Variants in SYT7 observed in about 807,000 individuals in gnomAD.
The protein encoded by SYT7 is synaptotagmin 7.
In SYT7, 29 loss-of-function variants were observed where a neutral mutation model predicts 75.1. That is an observed-to-expected ratio of 0.39 (90% CI 0.29 to 0.53). The LOEUF is 0.53. SYT7 is among the 20% of genes least tolerant of loss of function. SYT7 has a pLI of 0.77. For missense variants in SYT7, 693 were observed against 953.2 expected (o/e 0.73, Z 3.59); for synonymous variants, 376 against 401.7 (o/e 0.94, Z 0.76).
At chr11:61,579,382 C>T (rs2064177713) in intron 1 of SYT7, among the ~76,000 whole-genome samples, 1 of 152,228 alleles carries the variant, frequency 6.6e-6, no homozygotes, top group Non-Finnish European at 1.5e-5. Flanking sequence ...GGCAATGCCC[C>T]TTCAGCCCTC....
chr11:61,515,933 G>C lies in SYT7; in HGVS notation c.*2694C>G, dbSNP rs952229452. 6.6e-6 allele frequency: 1 copy of C among 152,654 alleles called. No individual in the cohort carries two copies. The highest frequency in any genetic ancestry group is 1.5e-5 in the Non-Finnish European group (1 of 68,070). 9.5% of individuals were successfully genotyped at this position (152,654 alleles called of 1,614,324 possible). On this transcript the variant is annotated 3_prime_UTR_variant, in exon 13 of 13. Transcript: ENST00000539008. ...GATTCGGTAATTACACTTTGCTCAC[G>C]GGTAGCACCTTCGGAGTCCTCCTGC...
intron 7 of SYT7, chr11:61,533,833 C>T (rs575624797): frequency 4.8e-6 from 1 of 207,990 alleles, no homozygotes; most frequent in Admixed American, 6.5e-5. Flanking sequence ...TTAATGGCCC[C>T]ATATTGGATA....
intron 5 of SYT7, among the ~76,000 whole-genome samples, chr11:61,545,535 T>C (rs1025470503): frequency 6.6e-6 from 1 of 152,152 alleles, no homozygotes; most frequent in Non-Finnish European, 1.5e-5. Flanking sequence ...AGTCACCCGA[T>C]GGTCAAAAAT....
At chr11:61,533,176 G>A (rs745454307) in intron 7 of SYT7, 52 bp from the exon 8 acceptor site, 1 of 1,509,358 alleles carries the variant, frequency 6.6e-7, no homozygotes, top group Non-Finnish European at 8.8e-7. Context: ...AGCTGCGTTG[G>A]GCACCCCGGC....
chr11:61,541,120 G>T, intron 6 of SYT7: 6 of 985,488 alleles, frequency 6.1e-6, no homozygotes, highest in Non-Finnish European at 7.2e-6. Context: ...CCCTGGCTGA[G>T]GTCTCAGAGG....
intron 1 of SYT7, among the ~76,000 whole-genome samples, chr11:61,577,270 ACT>A (rs989102381): frequency 4.6e-5 from 7 of 152,160 alleles, no homozygotes; most frequent in African/African-American, 1.7e-4. Context: ...CAGGTCCTCC[ACT>A]GTGTCCTGGC....
At chr11:61,535,062 G>A (rs1426016606) in intron 7 of SYT7, among the ~76,000 whole-genome samples, 1 of 152,238 alleles carries the variant, frequency 6.6e-6, no homozygotes, top group Non-Finnish European at 1.5e-5. Flanking sequence ...GATAGTCAGC[G>A]CCACTGAAGC....
At chr11:61,577,705 C>T (rs2064123069) in intron 1 of SYT7, among the ~76,000 whole-genome samples, 1 of 152,176 alleles carries the variant, frequency 6.6e-6, no homozygotes, top group African/African-American at 2.4e-5. Flanking sequence ...CTGTAGGGAA[C>T]AGAGCCCACT....
chr11:61,524,545 A>G lies in SYT7; in HGVS notation c.1472-13T>C. ...TCATAGGGAAAACCTGGGGGTATAG[A>G]TGAGTGTGAGTGAAGAGGGGGACAG... On this transcript the variant is annotated splice_polypyrimidine_tract_variant and intron_variant, in intron 9 of 12. Coordinates refer to ENST00000539008, the MANE Select transcript of SYT7 (RefSeq NM_001365809.2). This position sits in a 1 kb window ranked among gnomAD's most constrained non-coding sequence, Gnocchi z 4.1. 6.4e-7 allele frequency: 1 copy of G among 1,568,160 alleles called. No homozygotes were observed. Among genetic ancestry groups the G allele is most frequent in the Non-Finnish European group, 8.7e-7 (1 of 1,155,426 alleles).
At chr11:61,547,616 G>A (rs546887920) in intron 3 of SYT7, among the ~76,000 whole-genome samples, 5 of 152,156 alleles carry the variant, frequency 3.3e-5, no homozygotes, top group Admixed American at 3.3e-4. Context: ...CTCGCACCTG[G>A]GAAGCTGGTG....
rs1207771808 is a variant in SYT7 at position 61,542,842 on chromosome 11, AT to A, written c.573-264del. 6.6e-6 allele frequency among the ~76,000 whole-genome samples: 1 copy of A among 152,196 alleles called. No individual in the cohort carries two copies. Among genetic ancestry groups the A allele is most frequent in the East Asian group, 1.9e-4 (1 of 5,186 alleles). ...TGGCCCTGGCTCAGCTAGTGCCAGA[AT>A]ACCTCCTGGCTAGGCCGACCTCCCT... On this transcript the variant is annotated intron_variant, in intron 5 of 12. Coordinates refer to ENST00000539008, the MANE Select transcript of SYT7 (RefSeq NM_001365809.2). The surrounding 1 kb of genome is among the most constrained non-coding windows in gnomAD (Gnocchi z 7.8).
chr11:61,542,156 G>A lies in SYT7; in HGVS notation c.941+55C>T. 1.3e-6 allele frequency: 2 copies of A among 1,504,942 alleles called. No individual in the cohort carries two copies. The highest frequency in any genetic ancestry group is 2.5e-5 in the East Asian group (1 of 39,260). 93.2% of individuals were successfully genotyped at this position (1,504,942 alleles called of 1,614,324 possible). On this transcript the variant is annotated intron_variant, in intron 6 of 12. Coordinates refer to ENST00000539008, the MANE Select transcript of SYT7 (RefSeq NM_001365809.2). This position sits in a 1 kb window ranked among gnomAD's most constrained non-coding sequence, Gnocchi z 7.8. Reference sequence around the variant, plus strand: ...CAGCTGCTCCCAAGGAGATCTGGGGGGCAGGAGGCTGGGTCAGGGAGGTGG... The same window carrying A: ...CAGCTGCTCCCAAGGAGATCTGGGGAGCAGGAGGCTGGGTCAGGGAGGTGG...
chr11:61,528,259 C>G (rs1438228555), intron 8 of SYT7, 74 bp from the exon 9 acceptor site: 20 of 1,551,306 alleles, frequency 1.3e-5, no homozygotes, highest in Non-Finnish European at 2.6e-6. Flanking sequence ...CTGGCTAGCA[C>G]GGGTGAGAGG....
chr11:61,564,457 A>G (rs758436040), intron 1 of SYT7, among the ~76,000 whole-genome samples: 4 of 152,228 alleles, frequency 2.6e-5, no homozygotes, highest in Non-Finnish European at 4.4e-5. Context: ...TGCAGACTTC[A>G]GCACCCCTCT....
intron 8 of SYT7, among the ~76,000 whole-genome samples, chr11:61,532,696 C>A (rs2062747174): frequency 6.6e-6 from 1 of 152,186 alleles, no homozygotes; most frequent in South Asian, 2.1e-4. Context: ...TCTCAATCCA[C>A]AAAGGGATCC....
Position 61,542,619 on chromosome 11 carries a change from A to G in SYT7, c.573-40T>C. On this transcript the variant is annotated intron_variant, in intron 5 of 12. Transcript: ENST00000539008. The surrounding 1 kb of genome is among the most constrained non-coding windows in gnomAD (Gnocchi z 7.8). ...AGGAGAGGAGAGAAAGGAGAAGCAG[A>G]TGAAGGGATCACAGTGGAAGAGAAA... The G allele has an allele frequency of 2.7e-6, 4 of 1,457,850 alleles. No homozygotes were observed. 90.3% of individuals were successfully genotyped at this position (1,457,850 alleles called of 1,614,324 possible).
At position 61,553,466 on chromosome 11, in the gene SYT7, G is replaced by A. The variant is rs891797954; in HGVS notation, c.136-2003C>T. Among the ~76,000 whole-genome samples the A allele has an allele frequency of 6.6e-6, 1 of 152,222 alleles. No homozygotes were observed. The highest frequency in any genetic ancestry group is 1.5e-5 in the Non-Finnish European group (1 of 68,042). On this transcript the variant is annotated intron_variant, in intron 2 of 12. Transcript: ENST00000539008. This position sits in a 1 kb window ranked among gnomAD's most constrained non-coding sequence, Gnocchi z 5.2. ...TGCCCCTTCCCCGAGGCCAGGAAGGGCACGGTCAGCCCTTTCCGAGCAGCG... is the reference window on the plus strand; with the variant it reads ...TGCCCCTTCCCCGAGGCCAGGAAGGACACGGTCAGCCCTTTCCGAGCAGCG...
Position 61,574,905 on chromosome 11 carries a change from C to T in SYT7, c.31+5885G>A, listed in dbSNP as rs189137353. On this transcript the variant is annotated intron_variant, in intron 1 of 12. Transcript: ENST00000539008. ...GGGTTTGAAGTAATTTAATTGGACACATTAGCTGCATGCTCTCTCCTCCAC... is the reference window on the plus strand; with the variant it reads ...GGGTTTGAAGTAATTTAATTGGACATATTAGCTGCATGCTCTCTCCTCCAC... 3.0e-3 allele frequency among the ~76,000 whole-genome samples: 459 copies of T among 152,180 alleles called. 5 individuals are homozygous for T. In the South Asian group the frequency reaches 0.038, roughly 12 times the overall value.
Position 61,525,469 on chromosome 11 carries a change from C to T in SYT7, c.1472-937G>A, listed in dbSNP as rs553474743. ...ACCCCGACTCCTCCCGCCTCAGGGCCGGGCGCACACTGGCCCCATCATGAC... is the reference window on the plus strand; with the variant it reads ...ACCCCGACTCCTCCCGCCTCAGGGCTGGGCGCACACTGGCCCCATCATGAC... On this transcript the variant is annotated intron_variant, in intron 9 of 12. Coordinates refer to ENST00000539008, the MANE Select transcript of SYT7 (RefSeq NM_001365809.2). 2.3e-3 allele frequency among the ~76,000 whole-genome samples: 351 copies of T among 152,228 alleles called. 1 individual carries two copies. The highest frequency in any genetic ancestry group is 3.7e-3 in the Non-Finnish European group (251 of 68,018).
Sources: gnomAD v4.1 joint callset for allele counts (sites outside exome capture counted in the v4.1 genomes callset) on GRCh38, gnomAD v4.1.1 for gene constraint, Gnocchi (gnomAD v3.1) non-coding constraint, MANE v1.5 for transcripts, NCBI Gene and HGNC (gene_info 2026-07-23, HGNC 2026-07-21) for gene names.